CDK11B: variants seen among roughly 807,000 people sequenced by gnomAD.
The protein encoded by CDK11B is cyclin-dependent kinase 11B.
In CDK11B, 37 loss-of-function variants were observed where a neutral mutation model predicts 84.0. The ratio of observed to expected loss-of-function variants is 0.44; its 90% CI spans 0.34 to 0.58. The LOEUF (loss-of-function observed/expected upper bound fraction) is 0.58. Ranked by LOEUF, CDK11B falls within the 20% of genes least tolerant of loss-of-function variation. The pLI is 0.02. For missense variants in CDK11B, 427 were observed against 834.0 expected (o/e 0.51, Z 6.01); for synonymous variants, 269 against 309.8 (o/e 0.87, Z 1.38).
intron 5 of CDK11B, among the ~76,000 whole-genome samples, chr1:1,648,538 C>G (rs1050689939): frequency 1.3e-5 from 2 of 148,894 alleles, no homozygotes; most frequent in Non-Finnish European, 2.9e-5. Context: ...CTTCAGACTC[C>G]TCTCTTCCTG....
intron 4 of CDK11B, among the ~76,000 whole-genome samples, chr1:1,650,016 G>T (rs1394919436): frequency 6.7e-6 from 1 of 150,004 alleles, no homozygotes; most frequent in African/African-American, 2.5e-5. Context: ...GCTCACGCCT[G>T]TAATTCCAGC....
intron 5 of CDK11B, among the ~76,000 whole-genome samples, chr1:1,648,651 C>A (rs956024806): frequency 6.6e-6 from 1 of 152,310 alleles, no homozygotes; most frequent in East Asian, 1.9e-4. Context: ...AGATCTGGGG[C>A]TACACCGATG....
chr1:1,647,466 T>C (rs963596737), intron 5 of CDK11B, among the ~76,000 whole-genome samples: 10 of 152,370 alleles, frequency 6.6e-5, no homozygotes, highest in Admixed American at 3.3e-4. Flanking sequence ...CTTGGCTTCC[T>C]AGGGGTCACC....
chr1:1,649,552 T>A lies in CDK11B; in HGVS notation c.441A>T (p.Glu147Asp). 1.2e-6 allele frequency: 2 copies of A among 1,603,914 alleles called. No individual in the cohort carries two copies. The highest frequency in any genetic ancestry group is 1.7e-6 in the Non-Finnish European group (2 of 1,170,850). Reference protein sequence around the residue: ...HREEQDKARREWERQKRREMA... With the variant: ...HREEQDKARRDWERQKRREMA... ...TCTCCCTTCTCTTCTGTCTTTCCCATTCCCGGCGAGCTTTATCCTGTTCTT... is the reference window on the plus strand; with the variant it reads ...TCTCCCTTCTCTTCTGTCTTTCCCAATCCCGGCGAGCTTTATCCTGTTCTT... The change falls in exon 5 of 20, where the codon GAA becomes GAT. Residue 147 changes from glutamate to aspartate, a missense_variant. Transcript: ENST00000341832.
At chr1:1,649,799 A>AC (rs1179562526) in intron 4 of CDK11B, among the ~76,000 whole-genome samples, 162 bp from the exon 5 acceptor site, 3 of 151,330 alleles carry the variant, frequency 2.0e-5, no homozygotes, top group Non-Finnish European at 2.9e-5. Context: ...ACATGGTGAA[A>AC]CCCCGTCTCT....
chr1:1,653,630 A>G (rs1282528191), intron 3 of CDK11B, among the ~76,000 whole-genome samples: 1 of 151,934 alleles, frequency 6.6e-6, no homozygotes, highest in Non-Finnish European at 1.5e-5. Context: ...CATTCACATC[A>G]TATTTAAACA....
intron 5 of CDK11B, among the ~76,000 whole-genome samples, chr1:1,648,368 C>A (rs1455620419): frequency 2.6e-5 from 4 of 152,346 alleles, no homozygotes; most frequent in Non-Finnish European, 5.9e-5. Context: ...AGGAACTAGG[C>A]CAACTGAAAC....
Position 1,641,047 on chromosome 1 carries a change from C to T in CDK11B, c.1075+1G>A. On this transcript the variant is annotated splice_donor_variant, in intron 10 of 19. Coordinates refer to ENST00000341832, the MANE Select transcript of CDK11B (RefSeq NM_033486.3). LOFTEE classifies it high-confidence loss of function. ...GGCTCTGTCTCCAGGGAGGTTCTTA[C>T]CAACCAAGAGGTGGTTTTCATTTTC... 6.3e-7 allele frequency: 1 copy of T among 1,582,382 alleles called. No individual in the cohort carries two copies. The highest frequency in any genetic ancestry group is 2.2e-5 in the East Asian group (1 of 44,556).
Position 1,646,941 on chromosome 1 carries a change from C to A in CDK11B, c.495-1679G>T, listed in dbSNP as rs191403755. ...AGGCCTTTCAACATTTTCTCTTTGG[C>A]CTTTGCCAGTTTGACTATGATGTGA... On this transcript the variant is annotated intron_variant, in intron 5 of 19. Coordinates refer to ENST00000341832, the MANE Select transcript of CDK11B (RefSeq NM_033486.3). The A allele has an allele frequency of 9.9e-4, 517 of 519,938 alleles. 2 individuals are homozygous for A. Among genetic ancestry groups the A allele is most frequent in the African/African-American group, 9.1e-3 (473 of 52,024 alleles). The allele number at this position is 519,938 out of a possible 1,614,324, so 32.2% of individuals were successfully genotyped here. A position where few individuals can be genotyped will look rare whatever the true frequency, so the allele number is the denominator to read the frequency against.
rs768394877 is a variant in CDK11B at position 1,655,501 on chromosome 1, A to T, written c.112-17T>A. 1.9e-6 allele frequency: 3 copies of T among 1,586,366 alleles called. 1 individual carries two copies. Among genetic ancestry groups the T allele is most frequent in the Non-Finnish European group, 2.6e-6 (3 of 1,165,628 alleles). ...GTCATCAGACTAAGAAGCAAAGAGA[A>T]AGTTAATCATTTTCTTTATAAGTTT... On this transcript the variant is annotated splice_polypyrimidine_tract_variant and intron_variant, in intron 2 of 19. Coordinates refer to ENST00000341832, the MANE Select transcript of CDK11B (RefSeq NM_033486.3).
In CDK11B at chr1:1,658,973, A is replaced by G. The variant is rs1009855572; in HGVS notation, c.-73T>C. 6.5e-5 allele frequency: 13 copies of G among 199,692 alleles called. No individual in the cohort carries two copies. In the South Asian group the frequency reaches 8.2e-4, roughly 13 times the overall value. 12.4% of individuals were successfully genotyped at this position (199,692 alleles called of 1,614,324 possible). On this transcript the variant is annotated 5_prime_UTR_variant, in exon 1 of 20. Transcript: ENST00000341832. ...CCGGTCCCGGAGCCAGAGAAGAAAC[A>G]GCAACCGGCGCGCGCCAAAAGTATC...
At chr1:1,646,421 A>C (rs778899532) in intron 5 of CDK11B, 2 of 519,680 alleles carry the variant, frequency 3.8e-6, no homozygotes, top group Admixed American at 3.9e-5. Flanking sequence ...TACTAGCTCA[A>C]GTCCAGTACA....
intron 4 of CDK11B, among the ~76,000 whole-genome samples, chr1:1,650,381 TTG>T: frequency 1.3e-5 from 2 of 148,414 alleles, no homozygotes; most frequent in African/African-American, 2.5e-5. Flanking sequence ...TTTTTTTTTT[TTG>T]GAGATGGAGT....
intron 3 of CDK11B, among the ~76,000 whole-genome samples, chr1:1,653,860 A>ACACACACACC (rs1200116823): frequency 6.8e-6 from 1 of 146,830 alleles, no homozygotes; most frequent in Non-Finnish European, 1.5e-5. Context: ...ACACACACAC[A>ACACACACACC]CACCCGAGCG....
At chr1:1,653,023 T>G (rs1445847724) in intron 3 of CDK11B, among the ~76,000 whole-genome samples, 16 of 150,748 alleles carry the variant, frequency 1.1e-4, no homozygotes, top group African/African-American at 3.9e-4. Context: ...GCGCCCGGCC[T>G]GTATTTATTT....
chr1:1,646,265 TG>T (rs1315237062), intron 5 of CDK11B: 1 of 382,944 alleles, frequency 2.6e-6, no homozygotes, highest in Non-Finnish European at 5.2e-6. Flanking sequence ...TTACTTTCCT[TG>T]CTTTGTTGTG....
At chr1:1,650,048 C>A (rs1235301120) in intron 4 of CDK11B, among the ~76,000 whole-genome samples, 9 of 150,004 alleles carry the variant, frequency 6.0e-5, no homozygotes, top group Non-Finnish European at 1.3e-4. Flanking sequence ...CCGAGGTGGG[C>A]GGATCACAAG....
At chr1:1,651,482 T>C (rs1179787185) in intron 4 of CDK11B, among the ~76,000 whole-genome samples, 3 of 128,734 alleles carry the variant, frequency 2.3e-5, no homozygotes, top group African/African-American at 3.3e-5. Flanking sequence ...CTATAGCCCC[T>C]CTGAATGGTC....
At position 1,637,400 on chromosome 1, in the gene CDK11B, G is replaced by A. The variant is rs376521780; in HGVS notation, c.1570+8C>T. On this transcript the variant is annotated splice_region_variant and intron_variant, in intron 14 of 19. Transcript: ENST00000341832. ...GTACGCAGACAGGCCCCTGGGGCGC[G>A]GCTGTACCTGGCAGGAAGGGCTGTT... The A allele has an allele frequency of 2.4e-5, 39 of 1,612,934 alleles. No homozygotes were observed. Among genetic ancestry groups the A allele is most frequent in the East Asian group, 1.8e-4 (8 of 44,860 alleles).
Sources: gnomAD v4.1 joint callset for allele counts (sites outside exome capture counted in the v4.1 genomes callset) on GRCh38, gnomAD v4.1.1 for gene constraint, MANE v1.5 for transcripts, NCBI Gene and HGNC (gene_info 2026-07-23, HGNC 2026-07-21) for gene names.